Variants in PRKN observed in about 807,000 individuals in gnomAD.
The protein encoded by PRKN is parkin RBR E3 ubiquitin protein ligase.
In PRKN, 56 loss-of-function variants were observed where a neutral mutation model predicts 59.5. The observed-to-expected ratio is 0.94, with a 90% CI of 0.76 to 1.18. The LOEUF is 1.18. Among genes scored for constraint, PRKN ranks in the 50% most tolerant of loss-of-function variants. The pLI is 0.00. For missense variants in PRKN, 657 were observed against 596.4 expected (o/e 1.10, Z -1.06); for synonymous variants, 250 against 222.1 (o/e 1.13, Z -1.12).
At chr6:162,137,317 G>T (rs1781593878) in intron 4 of PRKN, among the ~76,000 whole-genome samples, 2 of 152,142 alleles carry the variant, frequency 1.3e-5, no homozygotes, top group South Asian at 4.1e-4. Flanking sequence ...CTTGGGGTCA[G>T]TGTCCTTATT....
Position 161,388,610 on chromosome 6 carries a change from A to G in PRKN, c.1084-1733T>C, listed in dbSNP as rs528790910. 6.6e-6 allele frequency among the ~76,000 whole-genome samples: 1 copy of G among 152,330 alleles called. No homozygotes were observed. The highest frequency in any genetic ancestry group is 2.1e-4 in the South Asian group (1 of 4,822). ...TGGGCTTTATGTCTCTTCTGCTGAC[A>G]GCCAGATGTGTTGAGTACTTGACTC... On this transcript the variant is annotated intron_variant, in intron 9 of 11. Coordinates refer to ENST00000366898, the MANE Select transcript of PRKN (RefSeq NM_004562.3). This position sits in a 1 kb window ranked among gnomAD's most constrained non-coding sequence, Gnocchi z 4.3.
chr6:162,225,744 T>C (rs1203837770), intron 3 of PRKN, among the ~76,000 whole-genome samples: 1 of 151,988 alleles, frequency 6.6e-6, no homozygotes, highest in Non-Finnish European at 1.5e-5. Flanking sequence ...AAATTGACAG[T>C]AGATGTAGCT....
chr6:161,995,286 C>A (rs908842917), intron 5 of PRKN, among the ~76,000 whole-genome samples: 1 of 152,062 alleles, frequency 6.6e-6, no homozygotes, highest in Non-Finnish European at 1.5e-5. Flanking sequence ...GGCAGAATGA[C>A]TTAAACATAA....
chr6:162,194,602 A>G (rs1025867905), intron 4 of PRKN, among the ~76,000 whole-genome samples: 1 of 152,170 alleles, frequency 6.6e-6, no homozygotes, highest in Non-Finnish European at 1.5e-5. Flanking sequence ...TATTGTATAC[A>G]GTATGCAAAT....
chr6:161,790,096 C>T (rs962737662), intron 6 of PRKN, among the ~76,000 whole-genome samples: 4 of 152,022 alleles, frequency 2.6e-5, no homozygotes, highest in Admixed American at 2.0e-4. Flanking sequence ...ATCTGTAATC[C>T]CCAAACTCTG....
At position 162,025,849 on chromosome 6, in the gene PRKN, A is replaced by G. The variant is rs375611790; in HGVS notation, c.618+28242T>C. Among the ~76,000 whole-genome samples the G allele has an allele frequency of 3.1e-4, 47 of 152,012 alleles. No individual in the cohort carries two copies. In the East Asian group the frequency reaches 7.8e-3, roughly 25 times the overall value. The stretch of plus-strand genomic sequence containing the variant: ...AGTGATCCACCCGCCTCAGCCTCCC[A>G]AAGTGCTGAGATTACAGACATGAGG... On this transcript the variant is annotated intron_variant, in intron 5 of 11. Transcript: ENST00000366898.
intron 1 of PRKN, among the ~76,000 whole-genome samples, chr6:162,669,758 A>G (rs1026652863): frequency 6.6e-6 from 1 of 152,190 alleles, no homozygotes; most frequent in Admixed American, 6.6e-5. Context: ...TTGGCACTAC[A>G]AAGTTAGAAT....
chr6:162,430,242 C>G (rs552911540), intron 2 of PRKN, among the ~76,000 whole-genome samples: 2 of 152,084 alleles, frequency 1.3e-5, no homozygotes, highest in Non-Finnish European at 2.9e-5. Flanking sequence ...ACGTACAAGG[C>G]ACTCTTGTAA....
chr6:162,452,474 C>T (rs978568556), intron 1 of PRKN, among the ~76,000 whole-genome samples: 3 of 150,230 alleles, frequency 2.0e-5, no homozygotes, highest in South Asian at 2.1e-4. Flanking sequence ...ATAATAGGTG[C>T]GGGGTAAATA....
chr6:162,323,584 T>A (rs960215633), intron 2 of PRKN, among the ~76,000 whole-genome samples: 1 of 152,034 alleles, frequency 6.6e-6, no homozygotes, highest in Non-Finnish European at 1.5e-5. Context: ...TTGAAAATAC[T>A]AAGAAAAAGA....
chr6:162,676,933 T>C lies in PRKN; in HGVS notation c.7+50729A>G, dbSNP rs753041247. 2.0e-5 allele frequency among the ~76,000 whole-genome samples: 3 copies of C among 151,676 alleles called. No individual in the cohort carries two copies. The East Asian group carries it at 5.8e-4, about 29-fold the overall frequency. On this transcript the variant is annotated intron_variant, in intron 1 of 11. Coordinates refer to ENST00000366898, the MANE Select transcript of PRKN (RefSeq NM_004562.3). Reference sequence around the variant, plus strand: ...AAAGTTAGCTGGGCATGGTGGTGGGTGCCTGTAATCCCAGCTACTTGGGAG... The same window carrying C: ...AAAGTTAGCTGGGCATGGTGGTGGGCGCCTGTAATCCCAGCTACTTGGGAG...
intron 10 of PRKN, among the ~76,000 whole-genome samples, chr6:161,374,914 G>A (rs1785628191): frequency 6.6e-6 from 1 of 152,112 alleles, no homozygotes. Context: ...CAACTCTGCT[G>A]GGATCCTGAA....
At chr6:161,957,432 G>GTTT (rs759971034) in intron 6 of PRKN, among the ~76,000 whole-genome samples, 7,156 of 112,772 alleles carry the variant, frequency 0.063, 591 homozygotes, top group African/African-American at 0.21. Flanking sequence ...TTGTTTGTTT[G>GTTT]TTTGTTTTTT....
In PRKN at chr6:161,977,541, G is replaced by GTTTTTTT. The variant is rs1562433349; in HGVS notation, c.619-4125_619-4124insAAAAAAA. ...TATCTTCTCTACTTTCTGTTTTTTTGGTTTTTTTTTTTTTTTTTTTTTTTA... is the reference window on the plus strand; with the variant it reads ...TATCTTCTCTACTTTCTGTTTTTTTGTTTTTTTGTTTTTTTTTTTTTTTTTTTTTTTA... On this transcript the variant is annotated intron_variant, in intron 5 of 11. Transcript: ENST00000366898. 1.5e-3 allele frequency among the ~76,000 whole-genome samples: 152 copies of GTTTTTTT among 98,638 alleles called. 9 individuals carry two copies. The highest frequency in any genetic ancestry group is 4.7e-3 in the South Asian group (15 of 3,206). The allele number at this position is 98,638 out of a possible 152,430, so 64.7% of individuals were successfully genotyped here. A position where few individuals can be genotyped will look rare whatever the true frequency, so the allele number is the denominator to read the frequency against.
At chr6:162,107,728 A>T (rs529144377) in intron 4 of PRKN, among the ~76,000 whole-genome samples, 2 of 152,244 alleles carry the variant, frequency 1.3e-5, no homozygotes, top group Admixed American at 1.3e-4. Context: ...GGCATCAGGC[A>T]TAGTTGTGTA....
chr6:161,909,951 G>A (rs1424049598), intron 6 of PRKN, among the ~76,000 whole-genome samples: 1 of 152,072 alleles, frequency 6.6e-6, no homozygotes, highest in East Asian at 1.9e-4. Context: ...TGCCGGTGGG[G>A]GAAGGAAAAC....
At chr6:162,406,027 T>C (rs1583516438) in intron 2 of PRKN, among the ~76,000 whole-genome samples, 1 of 152,280 alleles carries the variant, frequency 6.6e-6, no homozygotes, top group Middle Eastern at 3.4e-3. Flanking sequence ...GACAGGGATT[T>C]AGAACCAGCT....
At chr6:162,363,236 G>A (rs1785247562) in intron 2 of PRKN, among the ~76,000 whole-genome samples, 1 of 151,814 alleles carries the variant, frequency 6.6e-6, no homozygotes, top group Non-Finnish European at 1.5e-5. Context: ...GCACGTGTCT[G>A]TATTAGTGTT....
intron 2 of PRKN, among the ~76,000 whole-genome samples, chr6:162,338,387 C>G (rs575670143): frequency 6.6e-6 from 1 of 151,306 alleles, no homozygotes; most frequent in Admixed American, 6.6e-5. Flanking sequence ...CTCAGCCTGC[C>G]GAGTGCCTGC....
Sources: allele counts gnomAD v4.1 joint callset (sites outside exome capture counted in the v4.1 genomes callset), GRCh38; gene constraint gnomAD v4.1.1; non-coding constraint Gnocchi (gnomAD v3.1); transcripts MANE v1.5; gene names NCBI Gene and HGNC (gene_info 2026-07-23, HGNC 2026-07-21).